The following SVIL variants were observed in gnomAD, a reference collection of about 807,000 sequenced individuals.
SVIL encodes supervillin.
Under a neutral mutation model 240.4 loss-of-function variants are expected in SVIL, and 101 were observed. That is an observed-to-expected ratio of 0.42 (90% CI 0.36 to 0.50). The LOEUF (loss-of-function observed/expected upper bound fraction) is 0.50. Ranked by LOEUF, SVIL falls within the 20% of genes least tolerant of loss-of-function variation. The pLI, the probability that SVIL is intolerant of heterozygous loss-of-function variation, is 0.01. For synonymous variants in SVIL, 999 were observed against 1,100.0 expected, an observed-to-expected ratio of 0.91 and a Z score of 1.82; for missense variants, 2,512 against 2,818.7, an observed-to-expected ratio of 0.89 and a Z score of 2.46.
chr10:29,491,528 T>A (rs1158600096), intron 21 of SVIL, among the ~76,000 whole-genome samples: 2 of 152,198 alleles, frequency 1.3e-5, no homozygotes, highest in African/African-American at 4.8e-5. Flanking sequence ...ATGACTAGCT[T>A]CCACTTAACG....
chr10:29,532,589 G>T lies in SVIL; in HGVS notation c.1778C>A (p.Ser593Tyr). The change falls in exon 8 of 38, where the codon TCT becomes TAT. Residue 593 changes from serine (S) to tyrosine (Y), a missense_variant. By Grantham distance (144) the Ser-to-Tyr change is moderately radical (BLOSUM62 -2). Coordinates refer to ENST00000355867, the MANE Select transcript of SVIL (RefSeq NM_021738.3). ...GEISMLDTKVSVAQLRSAFLA... is the reference protein window; with the variant it reads ...GEISMLDTKVYVAQLRSAFLA... Reference sequence around the variant, plus strand: ...GAACGCACTTCGGAGCTGGGCGACAGAGACTTTTGTGTCCAGCATGCTGAT... The same window carrying T: ...GAACGCACTTCGGAGCTGGGCGACATAGACTTTTGTGTCCAGCATGCTGAT... The T allele has an allele frequency of 6.2e-7, 1 of 1,613,992 alleles. No homozygotes were observed. Among genetic ancestry groups the T allele is most frequent in the Admixed American group, 1.7e-5 (1 of 60,028 alleles).
chr10:29,597,036 A>C (rs956870250), intron 1 of SVIL, among the ~76,000 whole-genome samples: 1 of 152,222 alleles, frequency 6.6e-6, no homozygotes. Flanking sequence ...TGGTCCAGCA[A>C]CTATCGCATT....
intron 1 of SVIL, among the ~76,000 whole-genome samples, chr10:29,600,715 G>T (rs1459594487): frequency 6.6e-6 from 1 of 152,122 alleles, no homozygotes; most frequent in Non-Finnish European, 1.5e-5. Flanking sequence ...GGCACAAAAG[G>T]ACCCTATGCA....
At position 29,533,367 on chromosome 10, in the gene SVIL, G is replaced by C; in HGVS notation, c.1000C>G (p.Pro334Ala). The C allele has an allele frequency of 1.2e-6, 2 of 1,614,164 alleles. No homozygotes were observed. The highest frequency in any genetic ancestry group is 1.1e-5 in the South Asian group (1 of 91,084). ...AATGACACGTAATGGACTGGCGCTG[G>C]CTGGTGTCTCCTCTGAGTTACGGAC... ...SESVTQRRHQ[P>A]APVHYVSFQS... Residue 334 changes from proline (P) to alanine (A), a missense_variant, in exon 8 of 38, where the codon CCA becomes GCA. Pro to Ala is a conservative substitution (Grantham distance 27). Around this residue, in one of 3 missense-constraint regions of SVIL, gnomAD observed 1,443 missense variants for 1,486.6 expected, o/e 0.97. Transcript: ENST00000355867.
At position 29,495,261 on chromosome 10, in the gene SVIL, A is replaced by G. The variant is rs2368400; in HGVS notation, c.3665-80T>C. The stretch of plus-strand genomic sequence containing the variant: ...CCGGGACCCTGGTGGATCTCCAGAA[A>G]TCCCAGGGTAGACGGCACAACATAT... On this transcript the variant is annotated intron_variant, in intron 18 of 37. Transcript: ENST00000355867. 232,297 of 668,472 alleles carry G rather than the reference A, an allele frequency of 0.35. 50,810 individuals carry two copies. The highest frequency in any genetic ancestry group is 0.41 in the African/African-American group (13,796 of 33,288). The allele number at this position is 668,472 out of a possible 1,614,324, so 41.4% of individuals were successfully genotyped here.
intron 11 of SVIL, 51 bp from the exon 12 acceptor site, chr10:29,529,895 G>A (rs775531933): frequency 7.2e-5 from 111 of 1,543,180 alleles, no homozygotes; most frequent in Middle Eastern, 1.9e-4. Context: ...AAAGAGCTGG[G>A]CACGGTGGCT....
At chr10:29,499,532 C>T (rs115440039) in intron 17 of SVIL, among the ~76,000 whole-genome samples, 5,509 of 151,810 alleles carry the variant, frequency 0.036, 341 homozygotes, top group African/African-American at 0.13. Context: ...CCAGAACAAT[C>T]CTTTGTAAGC....
chr10:29,607,314 G>A (rs1247421), intron 1 of SVIL, among the ~76,000 whole-genome samples: 97,004 of 152,044 alleles, frequency 0.64, 31,185 homozygotes, highest in African/African-American at 0.66. Flanking sequence ...CTGAGGCTGT[G>A]TAATGCATTC....
chr10:29,589,879 ATGT>A (rs974855666), intron 1 of SVIL, among the ~76,000 whole-genome samples: 5 of 152,102 alleles, frequency 3.3e-5, no homozygotes, highest in South Asian at 2.1e-4. Flanking sequence ...ACTAAAAATA[ATGT>A]TGTTGGCCAG....
intron 3 of SVIL, among the ~76,000 whole-genome samples, chr10:29,648,553 C>CA (rs1387995548): frequency 6.6e-6 from 1 of 152,144 alleles, no homozygotes; most frequent in Non-Finnish European, 1.5e-5. Context: ...GATGAGCAGC[C>CA]AATGCAGGCT....
At chr10:29,555,708 G>A (rs922413101) in intron 3 of SVIL, among the ~76,000 whole-genome samples, 1 of 152,130 alleles carries the variant, frequency 6.6e-6, no homozygotes, top group Admixed American at 6.5e-5. Flanking sequence ...CTCAGCAACT[G>A]TTTCTAACTT....
intron 1 of SVIL, among the ~76,000 whole-genome samples, chr10:29,630,722 G>A (rs993565645): frequency 1.3e-5 from 2 of 151,936 alleles, no homozygotes; most frequent in East Asian, 1.9e-4. Flanking sequence ...CAACACGAAC[G>A]TTTCTGCTTG....
chr10:29,613,732 T>A (rs1440282604), intron 1 of SVIL, among the ~76,000 whole-genome samples: 1 of 152,224 alleles, frequency 6.6e-6, no homozygotes, highest in Non-Finnish European at 1.5e-5. Flanking sequence ...AGTTGAAATA[T>A]TTTATTTCAG....
intron 1 of SVIL, among the ~76,000 whole-genome samples, chr10:29,713,187 AAG>A (rs1963404853): frequency 6.6e-6 from 1 of 152,038 alleles, no homozygotes; most frequent in Admixed American, 6.6e-5. Flanking sequence ...AAAAAGAAAA[AAG>A]AAAAAAAAAA....
chr10:29,497,241 A>G (rs989039874), intron 18 of SVIL, among the ~76,000 whole-genome samples: 41 of 152,190 alleles, frequency 2.7e-4, no homozygotes, highest in African/African-American at 9.7e-4. Context: ...ACTCTTCATA[A>G]AAGTGTGGAT....
chr10:29,587,479 GGTTACCCTGT>G (rs1956217304), intron 1 of SVIL, among the ~76,000 whole-genome samples: 1 of 152,134 alleles, frequency 6.6e-6, no homozygotes, highest in Non-Finnish European at 1.5e-5. Flanking sequence ...GCAGACAAAG[GGTTACCCTGT>G]GCCAAAAACT....
At chr10:29,614,495 G>A (rs1355911490) in intron 1 of SVIL, among the ~76,000 whole-genome samples, 1 of 152,162 alleles carries the variant, frequency 6.6e-6, no homozygotes, top group East Asian at 1.9e-4. Flanking sequence ...AAAAGGATGA[G>A]TTCATGTCCT....
rs1945867043 is a variant in SVIL, at chr10:29,473,879, C to T, written c.5488G>A (p.Ala1830Thr). 1 of 1,614,076 alleles carries T rather than the reference C, an allele frequency of 6.2e-7. No individual in the cohort carries two copies. Among genetic ancestry groups the T allele is most frequent in the African/African-American group, 1.3e-5 (1 of 75,044 alleles). The part of the protein sequence containing the change: ...HSTVSEKGTS[A>T]LMTVELDEER... ...TCGTCCAGCTCCACCGTCATCAGCG[C>T]CGACGTGCCCTTCTCACTCACGGTG... is the stretch of plus-strand genomic sequence containing the variant. Residue 1830 changes from alanine (A) to threonine (T), a missense_variant, in exon 30 of 38, where the codon GCG (alanine) becomes ACG (threonine). Ala to Thr is a moderately conservative substitution (Grantham distance 58). Transcript: ENST00000355867.
intron 1 of SVIL, among the ~76,000 whole-genome samples, chr10:29,581,198 T>G (rs1405639302): frequency 6.6e-6 from 1 of 152,186 alleles, no homozygotes; most frequent in Admixed American, 6.5e-5. Context: ...GTATTCTCAT[T>G]TTCTTTGGTG....
Sources: allele counts gnomAD v4.1 joint callset (sites outside exome capture counted in the v4.1 genomes callset), GRCh38; gene constraint gnomAD v4.1.1; regional missense constraint gnomAD v4.1.1; transcripts MANE v1.5; gene names NCBI Gene and HGNC (gene_info 2026-07-23, HGNC 2026-07-21).